TMEM253: variants seen among roughly 807,000 people sequenced by gnomAD.
TMEM253 encodes the protein transmembrane protein C14orf176.
In TMEM253, 22 loss-of-function variants were observed where a neutral mutation model predicts 20.3. The ratio of observed to expected loss-of-function variants is 1.08; its 90% CI spans 0.78 to 1.55. The LOEUF is 1.55. Ranked by LOEUF, TMEM253 falls within the 40% of genes most tolerant of loss-of-function variation. The probability of loss-of-function intolerance (pLI) is 0.00; values close to 1 mark genes in which losing one functional copy is unlikely to be tolerated. For synonymous variants in TMEM253, 92 were observed against 102.6 expected, an observed-to-expected ratio of 0.90 and a Z score of 0.62; for missense variants, 251 against 266.1, an observed-to-expected ratio of 0.94 and a Z score of 0.39.
upstream of TMEM253, among the ~76,000 whole-genome samples, chr14:21,099,515 C>T (rs908131044): frequency 6.6e-6 from 1 of 152,178 alleles, no homozygotes; most frequent in African/African-American, 2.4e-5. Flanking sequence ...ATACAATGAC[C>T]CGCCGATGTT....
In TMEM253 at chr14:21,101,265, TC is replaced by T. The variant is rs1395949977; in HGVS notation, c.-36-41del. 2.0e-5 allele frequency: 26 copies of T among 1,328,058 alleles called. No homozygotes were observed. In the African/African-American group the frequency reaches 3.7e-4, roughly 19 times the overall value. 82.3% of individuals were successfully genotyped at this position (1,328,058 alleles called of 1,614,324 possible). Reference sequence around the variant, plus strand: ...TAGCTGAAAGATACGTTGTTGCATGTCCTGTCTCCTAATAGACAGAACCTAT... The same window carrying T: ...TAGCTGAAAGATACGTTGTTGCATGTCTGTCTCCTAATAGACAGAACCTAT... On this transcript the variant is annotated intron_variant, in intron 1 of 6. Transcript: ENST00000556585.
At chr14:21,102,913 G>A in intron 6 of TMEM253, 134 bp downstream of exon 6, 1 of 1,379,822 alleles carries the variant, frequency 7.2e-7, no homozygotes, top group Non-Finnish European at 9.6e-7. Context: ...GAAACTGATT[G>A]GCTTTCTCTG....
chr14:21,102,881 A>G, intron 6 of TMEM253, 102 bp downstream of exon 6: 3 of 1,457,018 alleles, frequency 2.1e-6, no homozygotes, highest in Non-Finnish European at 2.7e-6. Context: ...GGGGCAGGAG[A>G]GAAAAGAAGA....
At chr14:21,101,012 G>A, upstream of TMEM253, 1 of 231,146 alleles carries the variant, frequency 4.3e-6, no homozygotes, top group Non-Finnish European at 8.8e-6. Context: ...ATCTACCCAG[G>A]GCCACTCCCT....
In TMEM253 at chr14:21,101,860, C is replaced by T. The variant is rs1016719252; in HGVS notation, c.109-5C>T. 5.8e-6 allele frequency: 9 copies of T among 1,551,024 alleles called. No individual in the cohort carries two copies. Among genetic ancestry groups the T allele is most frequent in the African/African-American group, 1.4e-5 (1 of 73,006 alleles). On this transcript the variant is annotated splice_region_variant and splice_polypyrimidine_tract_variant and intron_variant, in intron 2 of 6. Transcript: ENST00000556585. ...CCTCCCCAATTACCCTACCCTTACC[C>T]CCAGGTGAGCCAGCTATGGCTGGCA...
At chr14:21,103,439 A>C (rs1594614652) in exon 7 of TMEM253, 1 of 1,026,818 alleles carries the variant, frequency 9.7e-7, no homozygotes, top group South Asian at 1.8e-5. Context: ...TCACCTCACC[A>C]CCCTGAAAAG....
At chr14:21,098,836 C>G (rs1023197904), upstream of TMEM253, 4 of 1,288,250 alleles carry the variant, frequency 3.1e-6, no homozygotes, top group Non-Finnish European at 4.0e-6. Flanking sequence ...CTCTGCCGCT[C>G]TTTCTGCCCC....
At chr14:21,100,109 T>C (rs1230919709), upstream of TMEM253, among the ~76,000 whole-genome samples, 3 of 152,140 alleles carry the variant, frequency 2.0e-5, no homozygotes, top group Non-Finnish European at 4.4e-5. Context: ...ACACCTGTAA[T>C]CCCAGCAGTT....
At chr14:21,103,491 TC>T in exon 7 of TMEM253, 1 of 582,324 alleles carries the variant, frequency 1.7e-6, no homozygotes, top group Non-Finnish European at 2.9e-6. Context: ...TCCTGTCACC[TC>T]CCCATACAGC....
At chr14:21,102,602 T>C (rs1298457518) in intron 5 of TMEM253, 31 bp from the exon 6 acceptor site, 1 of 1,550,832 alleles carries the variant, frequency 6.4e-7, no homozygotes. Flanking sequence ...AGGTGCGGGG[T>C]CCCTGCATTC....
upstream of TMEM253, chr14:21,098,918 C>T: frequency 2.5e-6 from 3 of 1,214,784 alleles, no homozygotes; most frequent in South Asian, 2.6e-5. Flanking sequence ...TTCTGTCTCT[C>T]TTTTGGGGGA....
chr14:21,099,921 T>C (rs1388650006), upstream of TMEM253, among the ~76,000 whole-genome samples: 1 of 152,156 alleles, frequency 6.6e-6, no homozygotes, highest in Non-Finnish European at 1.5e-5. Flanking sequence ...AATAACACTT[T>C]TAGTGTATGG....
intron 2 of TMEM253, 91 bp downstream of exon 2, chr14:21,101,542 C>CATGGTAGGTG: frequency 1.6e-6 from 2 of 1,226,412 alleles, no homozygotes; most frequent in Non-Finnish European, 2.3e-6. Flanking sequence ...TAAGTGAGCA[C>CATGGTAGGTG]CTACCATGTG....
chr14:21,101,498 C>A, intron 2 of TMEM253, 47 bp downstream of exon 2: 3 of 1,494,960 alleles, frequency 2.0e-6, no homozygotes. Flanking sequence ...TCCACTTCTA[C>A]CCAATTCAAT....
At chr14:21,101,801 G>C in intron 2 of TMEM253, 64 bp from the exon 3 acceptor site, 2 of 1,298,408 alleles carry the variant, frequency 1.5e-6, no homozygotes, top group African/African-American at 1.5e-5. Flanking sequence ...TAAAGAGGTA[G>C]GAGTTACGAG....
upstream of TMEM253, among the ~76,000 whole-genome samples, chr14:21,100,571 G>A (rs1040170940): frequency 6.6e-6 from 1 of 151,938 alleles, no homozygotes; most frequent in Non-Finnish European, 1.5e-5. Flanking sequence ...TCCAGTTGCA[G>A]GTTATCATTG....
At chr14:21,099,954 C>T (rs1184944364), upstream of TMEM253, among the ~76,000 whole-genome samples, 1 of 152,176 alleles carries the variant, frequency 6.6e-6, no homozygotes, top group Non-Finnish European at 1.5e-5. Flanking sequence ...TCGGTGTGAC[C>T]TCATCAGCAC....
Position 21,102,124 on chromosome 14 carries a change from A to G in TMEM253, c.276+4A>G. On this transcript the variant is annotated splice_donor_region_variant and intron_variant, in intron 4 of 6. Transcript: ENST00000556585. ...CAGAGCACCCCGCCTTTGGAAGGTGAGAGGGAAGAAAACGCAGCACTGTCC... is the reference window on the plus strand; with the variant it reads ...CAGAGCACCCCGCCTTTGGAAGGTGGGAGGGAAGAAAACGCAGCACTGTCC... 2 of 1,550,482 alleles carry G rather than the reference A, an allele frequency of 1.3e-6. No homozygotes were observed. Among genetic ancestry groups the G allele is most frequent in the Non-Finnish European group, 1.7e-6 (2 of 1,146,332 alleles).
chr14:21,102,125 GA>G lies in TMEM253; in HGVS notation c.276+6del. 6.4e-7 allele frequency: 1 copy of G among 1,550,562 alleles called. No individual in the cohort carries two copies. The highest frequency in any genetic ancestry group is 1.2e-5 in the South Asian group (1 of 83,844). ...AGAGCACCCCGCCTTTGGAAGGTGA[GA>G]GGGAAGAAAACGCAGCACTGTCCTC... On this transcript the variant is annotated splice_donor_region_variant and intron_variant, in intron 4 of 6. Transcript: ENST00000556585.
Sources: gnomAD v4.1 joint callset for allele counts (sites outside exome capture counted in the v4.1 genomes callset) on GRCh38, gnomAD v4.1.1 for gene constraint, MANE v1.5 for transcripts, NCBI Gene and HGNC (gene_info 2026-07-23, HGNC 2026-07-21) for gene names.